Variants in CTIF observed in about 807,000 individuals in gnomAD.
CTIF encodes CBP80/20-dependent translation initiation factor.
In CTIF, 21 loss-of-function variants were observed where a neutral mutation model predicts 66.0. The observed-to-expected ratio is 0.32, with a 90% CI of 0.23 to 0.46. The LOEUF is 0.46. CTIF is among the 20% of genes least tolerant of loss of function. The probability of loss-of-function intolerance (pLI) is 1.00; values close to 1 mark genes in which losing one functional copy is unlikely to be tolerated. For synonymous variants in CTIF, 345 were observed against 326.4 expected (o/e 1.06, Z -0.62); for missense variants, 739 against 812.7 (o/e 0.91, Z 1.10).
intron 6 of CTIF, among the ~76,000 whole-genome samples, chr18:48,684,026 C>G (rs527388276): frequency 6.6e-6 from 1 of 152,330 alleles, no homozygotes; most frequent in East Asian, 1.9e-4. Flanking sequence ...GTGGGATGGA[C>G]ACTGCTGTGG....
intron 9 of CTIF, among the ~76,000 whole-genome samples, chr18:48,787,055 T>G (rs191210459): frequency 3.5e-4 from 53 of 151,718 alleles, no homozygotes; most frequent in Middle Eastern, 3.4e-3. Context: ...TGGCTGGGAG[T>G]TTGTTTGAAG....
chr18:48,548,370 T>C (rs1489619202), intron 1 of CTIF, among the ~76,000 whole-genome samples: 2 of 152,232 alleles, frequency 1.3e-5, no homozygotes, highest in African/African-American at 2.4e-5. Context: ...AGAATTCACA[T>C]CTTGGCATGT....
At position 48,674,942 on chromosome 18, in the gene CTIF, A is replaced by G. The variant is rs570868716; in HGVS notation, c.507+4198A>G. 1.9e-3 allele frequency among the ~76,000 whole-genome samples: 286 copies of G among 152,202 alleles called. 2 individuals carry two copies. Among genetic ancestry groups the G allele is most frequent in the African/African-American group, 6.7e-3 (280 of 41,512 alleles). ...CTGGGATAGGAGCTAGCCAATAGCC[A>G]GGTTTTATGGCATCCACACCGAGGC... is the stretch of plus-strand genomic sequence containing the variant. On this transcript the variant is annotated intron_variant, in intron 6 of 11. Coordinates refer to ENST00000256413, the MANE Select transcript of CTIF (RefSeq NM_014772.3).
intron 7 of CTIF, among the ~76,000 whole-genome samples, chr18:48,713,556 G>T (rs1283171472): frequency 6.6e-6 from 1 of 152,120 alleles, no homozygotes; most frequent in Non-Finnish European, 1.5e-5. Context: ...GTCCGGGTTA[G>T]GTCAGCACAC....
intron 10 of CTIF, among the ~76,000 whole-genome samples, chr18:48,851,664 C>G (rs1193671577): frequency 6.6e-6 from 1 of 152,184 alleles, no homozygotes; most frequent in Non-Finnish European, 1.5e-5. Context: ...ACTTCCCTCC[C>G]CGGGAGAAGC....
rs766252719 is a variant in CTIF, at chr18:48,857,574, CCT to C, written c.1528-9_1528-8del. The C allele has an allele frequency of 1.9e-6, 3 of 1,606,642 alleles. No individual in the cohort carries two copies. In the East Asian group the frequency reaches 6.8e-5, roughly 36 times the overall value. On this transcript the variant is annotated splice_polypyrimidine_tract_variant and intron_variant, in intron 10 of 11. Transcript: ENST00000256413. ...GTCTCCTTCAGTGGTGCTCTCTGCC[CCT>C]CTCTTCCACAGCTCTTGCAATCTCA...
At chr18:48,586,560 C>T (rs1431260614) in intron 1 of CTIF, among the ~76,000 whole-genome samples, 4 of 152,202 alleles carry the variant, frequency 2.6e-5, no homozygotes, top group African/African-American at 9.6e-5. Context: ...CGTGAGCCAC[C>T]ACGCCCGGCC....
chr18:48,562,040 G>T (rs1470628137), intron 1 of CTIF, among the ~76,000 whole-genome samples: 1 of 152,160 alleles, frequency 6.6e-6, no homozygotes, highest in African/African-American at 2.4e-5. Context: ...TTACTGTCTG[G>T]CCATTTACAG....
chr18:48,596,986 G>A (rs912400470), intron 1 of CTIF, among the ~76,000 whole-genome samples: 2 of 152,210 alleles, frequency 1.3e-5, no homozygotes, highest in African/African-American at 2.4e-5. Flanking sequence ...ACCTGAAGGT[G>A]TAAAGCCATA....
intron 7 of CTIF, among the ~76,000 whole-genome samples, chr18:48,724,051 G>T (rs1375204382): frequency 6.6e-6 from 1 of 152,186 alleles, no homozygotes; most frequent in Admixed American, 6.5e-5. Context: ...GGTGCTTGGT[G>T]TAGTCATCTC....
intron 9 of CTIF, among the ~76,000 whole-genome samples, chr18:48,778,084 T>TG (rs1910858889): frequency 2.6e-5 from 4 of 152,266 alleles, no homozygotes; most frequent in Admixed American, 1.3e-4. Context: ...GGATTCCTCT[T>TG]GGGGTTTTTT....
chr18:48,741,142 GTTA>G (rs1475415855), intron 7 of CTIF, among the ~76,000 whole-genome samples: 2 of 152,146 alleles, frequency 1.3e-5, no homozygotes, highest in African/African-American at 4.8e-5. Context: ...GGTGGTTGTT[GTTA>G]TTATTGTTAG....
chr18:48,630,914 T>G (rs988846385), intron 2 of CTIF, among the ~76,000 whole-genome samples: 1 of 152,074 alleles, frequency 6.6e-6, no homozygotes, highest in Non-Finnish European at 1.5e-5. Context: ...CCTGAACTCG[T>G]GATCCACCCT....
At chr18:48,604,055 C>A (rs2090156769) in intron 1 of CTIF, among the ~76,000 whole-genome samples, 1 of 150,968 alleles carries the variant, frequency 6.6e-6, no homozygotes, top group Middle Eastern at 3.2e-3. Context: ...ACCATGTTGC[C>A]CATGAGCTGA....
chr18:48,781,007 G>C (rs1285336833), intron 9 of CTIF, among the ~76,000 whole-genome samples: 1 of 152,194 alleles, frequency 6.6e-6, no homozygotes, highest in Non-Finnish European at 1.5e-5. Flanking sequence ...TGTTTGCTGG[G>C]GGAGTCACAG....
intron 10 of CTIF, among the ~76,000 whole-genome samples, chr18:48,821,500 G>T (rs2068482890): frequency 6.6e-6 from 1 of 152,216 alleles, no homozygotes; most frequent in South Asian, 2.1e-4. Context: ...GCAGAGCAGG[G>T]GCTACTCTGT....
rs77318787 is a variant in CTIF at position 48,641,308 on chromosome 18, A to C, written c.252+4623A>C. On this transcript the variant is annotated intron_variant, in intron 3 of 11. Coordinates refer to ENST00000256413, the MANE Select transcript of CTIF (RefSeq NM_014772.3). ...CAGGTGTGCCAAGAACAGGAAATTAATATGCACCACAACAGCACAGCCTCT... is the reference window on the plus strand; with the variant it reads ...CAGGTGTGCCAAGAACAGGAAATTACTATGCACCACAACAGCACAGCCTCT... Among the ~76,000 whole-genome samples, 775 of 152,342 alleles carry C rather than the reference A, an allele frequency of 5.1e-3. 5 individuals are homozygous for C. Among genetic ancestry groups the C allele is most frequent in the Middle Eastern group, 0.034 (10 of 294 alleles).
chr18:48,828,917 G>C (rs1376193478), intron 10 of CTIF, among the ~76,000 whole-genome samples: 1 of 152,114 alleles, frequency 6.6e-6, no homozygotes, highest in Non-Finnish European at 1.5e-5. Context: ...TCCTTCCCCC[G>C]CCTGCTCCTC....
chr18:48,774,578 A>G (rs1029157338), intron 9 of CTIF, among the ~76,000 whole-genome samples: 1 of 152,084 alleles, frequency 6.6e-6, no homozygotes, highest in African/African-American at 2.4e-5. Context: ...GCTTCAGGCC[A>G]CTTTGAAGTA....
Sources: gnomAD v4.1 joint callset for allele counts (sites outside exome capture counted in the v4.1 genomes callset) on GRCh38, gnomAD v4.1.1 for gene constraint, MANE v1.5 for transcripts, NCBI Gene and HGNC (gene_info 2026-07-23, HGNC 2026-07-21) for gene names.